The following CACNA2D3 variants were observed in gnomAD, a reference collection of about 807,000 sequenced individuals.
The protein encoded by CACNA2D3 is calcium voltage-gated channel auxiliary subunit alpha2delta 3.
A neutral mutation model predicts 160.6 loss-of-function variants in CACNA2D3; 60 were observed. The ratio of observed to expected loss-of-function variants is 0.37; its 90% CI spans 0.30 to 0.46. The LOEUF is 0.46. Among genes scored for constraint, CACNA2D3 ranks in the 20% least tolerant of loss-of-function variants. The pLI, the probability that CACNA2D3 is intolerant of heterozygous loss-of-function variation, is 1.00. For synonymous variants in CACNA2D3, 558 were observed against 492.9 expected (o/e 1.13, Z -1.75); for missense variants, 1,205 against 1,365.0 (o/e 0.88, Z 1.85).
chr3:54,942,293 C>T (rs1701491077), intron 27 of CACNA2D3, among the ~76,000 whole-genome samples: 1 of 152,200 alleles, frequency 6.6e-6, no homozygotes, highest in Non-Finnish European at 1.5e-5. Flanking sequence ...TCAGTCAAAG[C>T]TCAAAGATTC....
At chr3:54,535,515 A>G (rs1217482339) in intron 5 of CACNA2D3, among the ~76,000 whole-genome samples, 3 of 152,184 alleles carry the variant, frequency 2.0e-5, no homozygotes, top group Non-Finnish European at 2.9e-5. Flanking sequence ...TGAGGATTCA[A>G]GGTTAAAATA....
chr3:54,727,423 TTATAAATCATTCTGC>T (rs1419551725), intron 11 of CACNA2D3, among the ~76,000 whole-genome samples: 2 of 152,150 alleles, frequency 1.3e-5, no homozygotes, highest in Non-Finnish European at 2.9e-5. Context: ...ACCCAAAAGA[TTATAAATCATTCTGC>T]TATAAAGACA....
At chr3:54,482,057 A>T (rs1016853338) in intron 4 of CACNA2D3, among the ~76,000 whole-genome samples, 1 of 152,216 alleles carries the variant, frequency 6.6e-6, no homozygotes, top group Non-Finnish European at 1.5e-5. Context: ...TATGTCTATA[A>T]CAACTCAAAT....
chr3:54,190,763 G>A (rs1700964030), intron 2 of CACNA2D3, among the ~76,000 whole-genome samples: 1 of 152,104 alleles, frequency 6.6e-6, no homozygotes. Flanking sequence ...ACAAACATTA[G>A]TTGCAACTGC....
intron 17 of CACNA2D3, among the ~76,000 whole-genome samples, chr3:54,870,534 C>T (rs1013732454): frequency 2.0e-5 from 3 of 152,132 alleles, no homozygotes; most frequent in Admixed American, 1.3e-4. Context: ...GCAGACTTTC[C>T]TACATTATAA....
At chr3:54,986,742 C>G (rs1410296777) in intron 30 of CACNA2D3, among the ~76,000 whole-genome samples, 1 of 135,122 alleles carries the variant, frequency 7.4e-6, no homozygotes, top group Admixed American at 7.4e-5. Context: ...CACCCACCCA[C>G]CCACTCACAA....
intron 2 of CACNA2D3, among the ~76,000 whole-genome samples, chr3:54,159,610 A>G (rs1195877806): frequency 1.3e-5 from 2 of 152,184 alleles, no homozygotes; most frequent in Non-Finnish European, 2.9e-5. Flanking sequence ...TATGGAAGCA[A>G]TTATGACAGA....
At chr3:54,125,893 C>CT (rs1445506688) in intron 2 of CACNA2D3, among the ~76,000 whole-genome samples, 2 of 152,184 alleles carry the variant, frequency 1.3e-5, no homozygotes, top group Admixed American at 6.5e-5. Context: ...AATTACTCCT[C>CT]TAAGTCAGAG....
intron 3 of CACNA2D3, among the ~76,000 whole-genome samples, chr3:54,383,005 G>A (rs985535021): frequency 2.6e-5 from 4 of 151,968 alleles, no homozygotes; most frequent in Non-Finnish European, 4.4e-5. Context: ...GTGCCACCAC[G>A]CCTGGCTAAT....
chr3:54,742,504 A>G (rs537155205), intron 11 of CACNA2D3, among the ~76,000 whole-genome samples: 3 of 152,294 alleles, frequency 2.0e-5, no homozygotes, highest in Non-Finnish European at 2.9e-5. Flanking sequence ...CAGATTCTCA[A>G]TATGGGGGTA....
intron 11 of CACNA2D3, among the ~76,000 whole-genome samples, chr3:54,726,110 A>G (rs995058254): frequency 6.6e-6 from 1 of 152,170 alleles, no homozygotes; most frequent in South Asian, 2.1e-4. Flanking sequence ...ATTCCTATAC[A>G]CCAATAATAG....
intron 27 of CACNA2D3, among the ~76,000 whole-genome samples, chr3:54,944,817 G>A (rs1701572847): frequency 1.0e-5 from 1 of 98,868 alleles, no homozygotes; most frequent in South Asian, 2.9e-4. Flanking sequence ...AGCTGGGGGT[G>A]TGTGTGTGTG....
chr3:55,073,954 T>G (rs756332057), intron 37 of CACNA2D3, 95 bp downstream of exon 37: 11 of 1,176,544 alleles, frequency 9.3e-6, no homozygotes, highest in East Asian at 4.8e-5. Context: ...AGTTCACTCA[T>G]GAGAAAATAA....
intron 11 of CACNA2D3, among the ~76,000 whole-genome samples, chr3:54,698,131 G>A (rs1427670575): frequency 6.3e-5 from 9 of 142,728 alleles, no homozygotes; most frequent in Non-Finnish European, 1.1e-4. Context: ...AGATCCTGGC[G>A]ACAATTGACT....
chr3:54,903,306 A>G (rs1486241805), intron 27 of CACNA2D3, among the ~76,000 whole-genome samples: 3 of 152,086 alleles, frequency 2.0e-5, no homozygotes, highest in Admixed American at 6.6e-5. Context: ...AACATGCGGT[A>G]TTTGGTTTTC....
chr3:54,469,307 C>A (rs147763093), intron 4 of CACNA2D3, among the ~76,000 whole-genome samples: 1 of 152,196 alleles, frequency 6.6e-6, no homozygotes, highest in Non-Finnish European at 1.5e-5. Flanking sequence ...GCACCTCCAG[C>A]AAACTCCAGC....
chr3:54,548,787 C>T (rs2106679765), intron 5 of CACNA2D3, among the ~76,000 whole-genome samples: 1 of 152,172 alleles, frequency 6.6e-6, no homozygotes, highest in East Asian at 1.9e-4. Context: ...GGCACAAAGG[C>T]ATTCCTTTAC....
Position 55,074,381 on chromosome 3 carries a change from AAAAGTTATCTATC to A in CACNA2D3, c.*177_*189del. The A allele has an allele frequency of 1.7e-6, 1 of 585,370 alleles. No individual in the cohort carries two copies. Among genetic ancestry groups the A allele is most frequent in the Non-Finnish European group, 3.0e-6 (1 of 328,762 alleles). 36.3% of individuals were successfully genotyped at this position (585,370 alleles called of 1,614,324 possible). A position where few individuals can be genotyped will look rare whatever the true frequency, so the allele number is the denominator to read the frequency against. On this transcript the variant is annotated 3_prime_UTR_variant, in exon 38 of 38. Transcript: ENST00000474759. ...ATAAACTCTTAAAGATATGTTGACA[AAAAGTTATCTATC>A]ATCTTTTTACTTTGCCAGTCATGCA...
intron 27 of CACNA2D3, among the ~76,000 whole-genome samples, chr3:54,902,926 C>T (rs1015804536): frequency 6.6e-6 from 1 of 152,190 alleles, no homozygotes; most frequent in African/African-American, 2.4e-5. Context: ...CATATTCATT[C>T]ATTCAATAAA....
Sources: gnomAD v4.1 joint callset for allele counts (sites outside exome capture counted in the v4.1 genomes callset) on GRCh38, gnomAD v4.1.1 for gene constraint, MANE v1.5 for transcripts, NCBI Gene and HGNC (gene_info 2026-07-23, HGNC 2026-07-21) for gene names.